The following VTCN1 variants were observed in gnomAD, a reference collection of about 807,000 sequenced individuals.
VTCN1 encodes the protein V-set domain-containing T-cell activation inhibitor 1.
Under a neutral mutation model 26.5 loss-of-function variants are expected in VTCN1, and 26 were observed. The ratio of observed to expected loss-of-function variants is 0.98; its 90% CI spans 0.72 to 1.36. The LOEUF is 1.36. Among genes scored for constraint, VTCN1 ranks in the 40% most tolerant of loss-of-function variants. The pLI is 0.00. For synonymous variants in VTCN1, 116 were observed against 130.7 expected (o/e 0.89, Z 0.77); for missense variants, 298 against 337.7 (o/e 0.88, Z 0.92).
At position 117,178,062 on chromosome 1, in the gene VTCN1, C is replaced by T. The variant is rs1287744694; in HGVS notation, c.33-7891G>A. ...CAAGCAATCCTTCCACCACACCTCC[C>T]CCAAGTAGCTGGGACTACAGGTGCA... On this transcript the variant is annotated intron_variant, in intron 1 of 5. Coordinates refer to ENST00000369458, the MANE Select transcript of VTCN1 (RefSeq NM_024626.4). Among the ~76,000 whole-genome samples, 8 of 150,880 alleles carry T rather than the reference C, an allele frequency of 5.3e-5. No homozygotes were observed. In the South Asian group the frequency reaches 1.5e-3, roughly 28 times the overall value.
chr1:117,191,154 A>G (rs1412606901), intron 1 of VTCN1, among the ~76,000 whole-genome samples: 1 of 152,244 alleles, frequency 6.6e-6, no homozygotes. Flanking sequence ...GGGCTTCAAC[A>G]GCAGACTTGA....
Position 117,156,647 on chromosome 1 carries a change from A to G in VTCN1, c.372T>C (p.Asp124=). The G allele has an allele frequency of 6.2e-7, 1 of 1,614,090 alleles. No homozygotes were observed. The highest frequency in any genetic ancestry group is 8.5e-7 in the Non-Finnish European group (1 of 1,179,994). ...TGATATAACATTTGTAGGTGCCAGC[A>G]TCTGTGAGTTGCACGTTTTTCAGCC... ...SLRLKNVQLT[D]AGTYKCYIIT... is the part of the protein sequence containing the mutation. The change falls in exon 3 of 6, where the codon GAT becomes GAC. Residue 124 remains aspartate, a synonymous_variant. Coordinates refer to ENST00000369458, the MANE Select transcript of VTCN1 (RefSeq NM_024626.4).
rs1244853477 is a variant in VTCN1 at position 117,161,785 on chromosome 1, G to A, written c.98-4864C>T. Among the ~76,000 whole-genome samples the A allele has an allele frequency of 1.3e-5, 2 of 152,102 alleles. No individual in the cohort carries two copies. Among genetic ancestry groups the A allele is most frequent in the Non-Finnish European group, 1.5e-5 (1 of 68,034 alleles). On this transcript the variant is annotated intron_variant, in intron 2 of 5. Coordinates refer to ENST00000369458, the MANE Select transcript of VTCN1 (RefSeq NM_024626.4). The surrounding 1 kb of genome is among the most constrained non-coding windows in gnomAD (Gnocchi z 4.3). Reference sequence around the variant, plus strand: ...AGGAAGGCAATAAAAATACTGAGAGGTTCACAATAAAATCATGAATCAAAT... The same window carrying A: ...AGGAAGGCAATAAAAATACTGAGAGATTCACAATAAAATCATGAATCAAAT...
chr1:117,156,496 T>C (rs891565061), intron 3 of VTCN1, 78 bp downstream of exon 3: 16 of 1,397,934 alleles, frequency 1.1e-5, no homozygotes, highest in Non-Finnish European at 1.5e-5. Flanking sequence ...GGTCACAACA[T>C]ATTTCATAAG....
intron 1 of VTCN1, among the ~76,000 whole-genome samples, chr1:117,198,400 T>C (rs1369488669): frequency 6.6e-6 from 1 of 151,730 alleles, no homozygotes; most frequent in Non-Finnish European, 1.5e-5. Context: ...GACAGTGGAG[T>C]AAAACAAGAA....
At chr1:117,160,433 C>G (rs1256971570) in intron 2 of VTCN1, among the ~76,000 whole-genome samples, 2 of 152,162 alleles carry the variant, frequency 1.3e-5, no homozygotes, top group Non-Finnish European at 2.9e-5. Flanking sequence ...ATGCATTAAT[C>G]CTACAGGTAG....
In VTCN1 at chr1:117,153,191, C is replaced by T. The variant is rs1402756310; in HGVS notation, c.624G>A (p.Met208Ile). The change falls in exon 4 of 6, where the codon ATG becomes ATA. Residue 208 changes from methionine (M) to isoleucine (I), a missense_variant. Physicochemically the swap from Met to Ile is conservative, Grantham distance 10. Coordinates refer to ENST00000369458, the MANE Select transcript of VTCN1 (RefSeq NM_024626.4). The stretch of plus-strand genomic sequence containing the variant: ...CATTGTAGAGCACAGACACAACCTT[C>T]ATGGTCACATTCTCAGAGTTCAGCT... ...SFELNSENVT[M>I]KVVSVLYNVT... 3.7e-6 allele frequency: 6 copies of T among 1,614,072 alleles called. No homozygotes were observed. In the East Asian group the frequency reaches 1.3e-4, roughly 36 times the overall value.
At chr1:117,201,324 T>G (rs1259587611) in intron 1 of VTCN1, among the ~76,000 whole-genome samples, 1 of 152,156 alleles carries the variant, frequency 6.6e-6, no homozygotes, top group Non-Finnish European at 1.5e-5. Context: ...TGTCCAGGCC[T>G]TTAGACAAAG....
chr1:117,193,471 C>A (rs1162062396), intron 1 of VTCN1, among the ~76,000 whole-genome samples: 1 of 152,086 alleles, frequency 6.6e-6, no homozygotes, highest in African/African-American at 2.4e-5. Context: ...ACAAAGTAGA[C>A]TTTCAGTCAA....
Position 117,148,316 on chromosome 1 carries a change from T to C in VTCN1, c.725-534A>G, listed in dbSNP as rs114519314. Among the ~76,000 whole-genome samples the C allele has an allele frequency of 9.9e-3, 1,502 of 152,348 alleles. 23 individuals carry two copies. Among genetic ancestry groups the C allele is most frequent in the African/African-American group, 0.035 (1,448 of 41,582 alleles). ...CTCTGTCACTTACCAGCTGTGTGAC[T>C]TTAGGCAAGTTACTCAATGTATGTG... is the stretch of plus-strand genomic sequence containing the variant. On this transcript the variant is annotated intron_variant, in intron 4 of 5. Transcript: ENST00000369458.
chr1:117,185,672 C>A (rs967375978), intron 1 of VTCN1, among the ~76,000 whole-genome samples: 1 of 152,206 alleles, frequency 6.6e-6, no homozygotes, highest in African/African-American at 2.4e-5. Context: ...ACAATGTATT[C>A]TCTCTGAAGC....
chr1:117,199,897 G>C (rs1648710362), intron 1 of VTCN1, among the ~76,000 whole-genome samples: 1 of 152,094 alleles, frequency 6.6e-6, no homozygotes, highest in Admixed American at 6.5e-5. Context: ...GCCTCCCAAA[G>C]TCCTAGGATT....
intron 4 of VTCN1, among the ~76,000 whole-genome samples, chr1:117,152,361 C>T (rs1199039767): frequency 1.3e-5 from 2 of 152,152 alleles, no homozygotes; most frequent in African/African-American, 2.4e-5. Context: ...AGCCTCCTGA[C>T]GTACTCCTTT....
chr1:117,172,566 G>C, intron 1 of VTCN1: 1 of 466,084 alleles, frequency 2.1e-6, no homozygotes, highest in Non-Finnish European at 4.2e-6. Flanking sequence ...ATACTTCATC[G>C]CTCTGAGGCT....
chr1:117,155,837 G>A lies in VTCN1; in HGVS notation c.445+737C>T, dbSNP rs944083813. ...GGCTTTCCCATCCCTTCCCTCCTAT[G>A]CATTTGAACGGGATCTCTCTCTTCT... is the stretch of plus-strand genomic sequence containing the variant. On this transcript the variant is annotated intron_variant, in intron 3 of 5. Transcript: ENST00000369458. The surrounding 1 kb of genome is among the most constrained non-coding windows in gnomAD (Gnocchi z 4.8). 1.1e-4 allele frequency among the ~76,000 whole-genome samples: 16 copies of A among 152,120 alleles called. No homozygotes were observed.
intron 2 of VTCN1, among the ~76,000 whole-genome samples, chr1:117,164,377 A>G (rs1652505720): frequency 6.6e-6 from 1 of 151,960 alleles, no homozygotes; most frequent in African/African-American, 2.4e-5. Context: ...TGCGGGGGCG[A>G]TACGGGACAC....
intron 3 of VTCN1, among the ~76,000 whole-genome samples, chr1:117,154,037 C>G (rs1651937609): frequency 6.6e-6 from 1 of 152,112 alleles, no homozygotes; most frequent in African/African-American, 2.4e-5. Context: ...AATGTTTAAG[C>G]CTGGACTTTT....
chr1:117,170,447 A>G (rs1652849585), intron 1 of VTCN1: 1 of 492,312 alleles, frequency 2.0e-6, no homozygotes, highest in African/African-American at 2.0e-5. Flanking sequence ...GGAAGACCAT[A>G]TATGGAGACT....
intron 1 of VTCN1, among the ~76,000 whole-genome samples, chr1:117,209,871 C>T (rs1376283804): frequency 6.6e-6 from 1 of 152,224 alleles, no homozygotes; most frequent in Non-Finnish European, 1.5e-5. Context: ...AGTAACATTA[C>T]TCTCGTAGTC....
Sources: allele counts gnomAD v4.1 joint callset (sites outside exome capture counted in the v4.1 genomes callset), GRCh38; gene constraint gnomAD v4.1.1; non-coding constraint Gnocchi (gnomAD v3.1); transcripts MANE v1.5; gene names NCBI Gene and HGNC (gene_info 2026-07-23, HGNC 2026-07-21).